The following GNL3L variants were observed in gnomAD, a reference collection of about 807,000 sequenced individuals.
The protein encoded by GNL3L is G protein nucleolar 3 like, also known as guanine nucleotide-binding protein-like 3-like protein.
In GNL3L, 4 loss-of-function variants were observed where a neutral mutation model predicts 42.9. The observed-to-expected ratio is 0.09, with a 90% confidence interval of 0.05 to 0.21. GNL3L has a LOEUF of 0.21. Among genes scored for constraint, GNL3L ranks in the 10% least tolerant of loss-of-function variants. GNL3L has a pLI of 1.00. For missense variants in GNL3L, 412 were observed against 481.7 expected, an observed-to-expected ratio of 0.86 and a Z score of 1.36; for synonymous variants, 159 against 176.3, an observed-to-expected ratio of 0.90 and a Z score of 0.78.
chrX:54,609,436 A>G (rs749801775), intron 16 of GNL3L, among the ~76,000 whole-genome samples: 87 of 112,417 alleles, frequency 7.7e-4, no homozygotes, highest in African/African-American at 2.7e-3. Context: ...GCCAATGTCT[A>G]GAAGGGTTTT....
At chrX:54,547,431 G>C (rs764969587) in intron 8 of GNL3L, among the ~76,000 whole-genome samples, 3 of 111,302 alleles carry the variant, frequency 2.7e-5, no homozygotes, top group African/African-American at 9.8e-5. Flanking sequence ...GTGGCTGGGC[G>C]TGGTGGCTCA....
chrX:54,629,201 A>G, the GNL3L span, among the ~76,000 whole-genome samples: 1 of 110,315 alleles, frequency 9.1e-6, no homozygotes, highest in Admixed American at 9.8e-5. Flanking sequence ...GGATCATATC[A>G]TCAGTGAACA....
At chrX:54,595,722 T>A (rs2147523320) in intron 16 of GNL3L, among the ~76,000 whole-genome samples, 1 of 111,808 alleles carries the variant, frequency 8.9e-6, no homozygotes, top group South Asian at 3.7e-4. Flanking sequence ...TTCATTGTTT[T>A]TTATTCCTTT....
intron 16 of GNL3L, among the ~76,000 whole-genome samples, chrX:54,607,079 T>TTCC (rs1926097191): frequency 2.5e-5 from 1 of 39,598 alleles, no homozygotes; most frequent in African/African-American, 1.4e-4. Context: ...TTTCTCTTTC[T>TTCC]TTCTTCTTTC....
chrX:54,578,727 A>G (rs1324093225), intron 16 of GNL3L, among the ~76,000 whole-genome samples: 1 of 112,478 alleles, frequency 8.9e-6, no homozygotes, highest in African/African-American at 3.2e-5. Flanking sequence ...GCTGCTATCA[A>G]TATTTGCAAG....
intron 16 of GNL3L, among the ~76,000 whole-genome samples, chrX:54,594,658 T>G (rs1051149778): frequency 2.7e-5 from 3 of 110,920 alleles, no homozygotes; most frequent in African/African-American, 9.8e-5. Flanking sequence ...ATTTTGTTAC[T>G]GGTTTTTTGG....
chrX:54,581,975 G>A (rs1925721492), intron 16 of GNL3L, among the ~76,000 whole-genome samples: 1 of 111,994 alleles, frequency 8.9e-6, no homozygotes, highest in Non-Finnish European at 1.9e-5. Flanking sequence ...TATATTTATT[G>A]ATTGAAGAAA....
At chrX:54,616,186 G>T (rs1229971880) in intron 16 of GNL3L, among the ~76,000 whole-genome samples, 1 of 113,055 alleles carries the variant, frequency 8.8e-6, no homozygotes, top group African/African-American at 3.2e-5. Flanking sequence ...CCTGGCAAGG[G>T]CAGTGCCCGC....
chrX:54,615,138 C>T (rs189966396), intron 16 of GNL3L, among the ~76,000 whole-genome samples: 1 of 112,245 alleles, frequency 8.9e-6, no homozygotes, highest in Non-Finnish European at 1.9e-5. Flanking sequence ...TTTATCTGTT[C>T]TGAATACCTC....
chrX:54,621,701 A>G (rs191011681), downstream of GNL3L, among the ~76,000 whole-genome samples: 337 of 111,060 alleles, frequency 3.0e-3, 1 homozygote, highest in African/African-American at 0.011. Flanking sequence ...AGCTACTTGG[A>G]AGGCTGAGGA....
rs1925265017 is a variant in GNL3L at position 54,561,340 on chromosome X, G to T, written c.*738G>T. Among the ~76,000 whole-genome samples the T allele has an allele frequency of 8.9e-6, 1 of 112,078 alleles. No homozygotes were observed. Among genetic ancestry groups the T allele is most frequent in the Non-Finnish European group, 1.9e-5 (1 of 53,246 alleles). ...TTACCACCCCACAGGAGATTTCAGT[G>T]GCAAGGCATGCCTGCAGTGGGCTTT... On this transcript the variant is annotated 3_prime_UTR_variant, in exon 16 of 16. Coordinates refer to ENST00000360845, the MANE Select transcript of GNL3L (RefSeq NM_001184819.2).
the GNL3L span, among the ~76,000 whole-genome samples, chrX:54,645,335 C>T: frequency 1.8e-5 from 2 of 111,292 alleles, no homozygotes; most frequent in East Asian, 2.8e-4. Flanking sequence ...TACTGGTTTT[C>T]GGTTAGAAAT....
At chrX:54,596,143 C>G (rs1156581962) in intron 16 of GNL3L, among the ~76,000 whole-genome samples, 1 of 111,859 alleles carries the variant, frequency 8.9e-6, no homozygotes, top group African/African-American at 3.3e-5. Context: ...TCATCTGTGT[C>G]TGGACATTGA....
At chrX:54,626,231 C>G (rs778229619), downstream of GNL3L, among the ~76,000 whole-genome samples, 23 of 111,415 alleles carry the variant, frequency 2.1e-4, no homozygotes, top group African/African-American at 7.5e-4. Flanking sequence ...TCTCTACTTC[C>G]ATGAACTCAA....
At position 54,561,058 on chromosome X, in the gene GNL3L, C is replaced by T. The variant is rs900172518; in HGVS notation, c.*456C>T. On this transcript the variant is annotated 3_prime_UTR_variant, in exon 16 of 16. Coordinates refer to ENST00000360845, the MANE Select transcript of GNL3L (RefSeq NM_001184819.2). ...TTGCACTCTAGCCTGGGCAACAACA[C>T]GAAACTCCGTCCCAAAAAAAAAAAA... 16 of 67,932 alleles carry T rather than the reference C, an allele frequency of 2.4e-4. No homozygotes were observed. Among genetic ancestry groups the T allele is most frequent in the South Asian group, 8.7e-4 (1 of 1,147 alleles). 5.6% of individuals were successfully genotyped at this position (67,932 alleles called of 1,213,427 possible).
At chrX:54,576,665 C>T (rs950511802) in intron 16 of GNL3L, among the ~76,000 whole-genome samples, 6 of 109,871 alleles carry the variant, frequency 5.5e-5, no homozygotes, top group Non-Finnish European at 1.1e-4. Flanking sequence ...GGAGTTTCAC[C>T]GTGTTGGCCA....
At chrX:54,630,173 T>C in the GNL3L span, among the ~76,000 whole-genome samples, 1 of 110,868 alleles carries the variant, frequency 9.0e-6, no homozygotes, top group Non-Finnish European at 1.9e-5. Context: ...TCATTAATGG[T>C]CTATCAATTT....
chrX:54,587,594 G>A (rs1462312171), intron 16 of GNL3L, among the ~76,000 whole-genome samples: 1 of 110,355 alleles, frequency 9.1e-6, no homozygotes, highest in African/African-American at 3.3e-5. Flanking sequence ...GTGTTTTATA[G>A]TTTTCAGAAT....
At chrX:54,570,852 C>A (rs1302158532), downstream of GNL3L, among the ~76,000 whole-genome samples, 1 of 111,367 alleles carries the variant, frequency 9.0e-6, no homozygotes, top group Admixed American at 9.6e-5. Flanking sequence ...TTTGTTTATA[C>A]TTTAAGTCCT....
Sources: gnomAD v4.1 joint callset for allele counts (sites outside exome capture counted in the v4.1 genomes callset) on GRCh38, gnomAD v4.1.1 for gene constraint, MANE v1.5 for transcripts, NCBI Gene and HGNC (gene_info 2026-07-23, HGNC 2026-07-21) for gene names.